PCSK6: variants seen among roughly 807,000 people sequenced by gnomAD.
PCSK6 encodes paired basic amino acid cleaving enzyme 4.
Under a neutral mutation model 123.3 loss-of-function variants are expected in PCSK6, and 85 were observed. The ratio of observed to expected loss-of-function variants is 0.69; its 90% CI spans 0.58 to 0.83. The LOEUF (loss-of-function observed/expected upper bound fraction) is 0.83, where lower values mean the gene tolerates loss of function less well. PCSK6 is among the 40% of genes least tolerant of loss of function. The pLI, the probability that PCSK6 is intolerant of heterozygous loss-of-function variation, is 0.00. For synonymous variants in PCSK6, 508 were observed against 516.0 expected (o/e 0.98, Z 0.21); for missense variants, 1,191 against 1,282.3 (o/e 0.93, Z 1.09).
intron 6 of PCSK6, among the ~76,000 whole-genome samples, chr15:101,406,931 T>C (rs1222046683): frequency 6.6e-6 from 1 of 152,170 alleles, no homozygotes; most frequent in Admixed American, 6.5e-5. Flanking sequence ...ATCCAGGAGA[T>C]GAGGTCTGTC....
intron 11 of PCSK6, among the ~76,000 whole-genome samples, chr15:101,379,518 T>C (rs1241952178): frequency 6.6e-6 from 1 of 152,144 alleles, no homozygotes; most frequent in Non-Finnish European, 1.5e-5. Context: ...GAGGGGTGTA[T>C]AAAGAGGCAT....
chr15:101,386,219 G>A (rs1362688341), intron 9 of PCSK6, among the ~76,000 whole-genome samples: 1 of 152,026 alleles, frequency 6.6e-6, no homozygotes, highest in Non-Finnish European at 1.5e-5. Flanking sequence ...AAAATCGGGG[G>A]AGCTGCTGCA....
At chr15:101,333,987 G>GC (rs986271696) in intron 13 of PCSK6, among the ~76,000 whole-genome samples, 2 of 152,204 alleles carry the variant, frequency 1.3e-5, no homozygotes, top group African/African-American at 4.8e-5. Flanking sequence ...ATTCTGTACT[G>GC]CCCAAGCCTC....
intron 13 of PCSK6, among the ~76,000 whole-genome samples, chr15:101,345,790 C>A (rs1286912914): frequency 6.6e-6 from 1 of 152,246 alleles, no homozygotes; most frequent in East Asian, 1.9e-4. Flanking sequence ...GCCTCAGCCT[C>A]CTGAGTAGCT....
At chr15:101,425,639 T>C (rs1194818349) in intron 6 of PCSK6, among the ~76,000 whole-genome samples, 2 of 152,198 alleles carry the variant, frequency 1.3e-5, no homozygotes, top group Non-Finnish European at 2.9e-5. Flanking sequence ...TATACATATA[T>C]ATATATATTG....
intron 19 of PCSK6, among the ~76,000 whole-genome samples, chr15:101,316,769 A>G (rs2039997804): frequency 6.6e-6 from 1 of 152,208 alleles, no homozygotes; most frequent in African/African-American, 2.4e-5. Flanking sequence ...CTTGTTCATC[A>G]GGCCTGTCTA....
intron 6 of PCSK6, among the ~76,000 whole-genome samples, chr15:101,399,549 G>A (rs1409221379): frequency 6.6e-6 from 1 of 152,208 alleles, no homozygotes; most frequent in Non-Finnish European, 1.5e-5. Flanking sequence ...CCAGCCAGGG[G>A]CGTCCCTTCT....
In PCSK6 at chr15:101,463,414, G is replaced by A. The variant is rs553393275; in HGVS notation, c.298-19754C>T. Among the ~76,000 whole-genome samples the A allele has an allele frequency of 2.0e-5, 3 of 152,128 alleles. No homozygotes were observed. The South Asian group carries it at 6.2e-4, about 32-fold the overall frequency. ...AACATTCCCTCCCCTCTTCCTTTGG[G>A]GCCAAGCGTTGCAACAATTCTGCTG... On this transcript the variant is annotated intron_variant, in intron 1 of 21. Coordinates refer to ENST00000611716, the MANE Select transcript of PCSK6 (RefSeq NM_002570.5).
At chr15:101,401,606 T>C (rs1306207692) in intron 6 of PCSK6, among the ~76,000 whole-genome samples, 1 of 151,894 alleles carries the variant, frequency 6.6e-6, no homozygotes, top group Non-Finnish European at 1.5e-5. Context: ...TGTGACCAGG[T>C]AGTGACTCTG....
chr15:101,391,910 G>A (rs2042244848), intron 8 of PCSK6, among the ~76,000 whole-genome samples: 1 of 152,148 alleles, frequency 6.6e-6, no homozygotes, highest in Admixed American at 6.5e-5. Context: ...ATTGCTCAGG[G>A]AAGAGAATTT....
chr15:101,453,140 C>T (rs1367399721), intron 1 of PCSK6, among the ~76,000 whole-genome samples: 1 of 152,204 alleles, frequency 6.6e-6, no homozygotes, highest in Non-Finnish European at 1.5e-5. Flanking sequence ...CGACAGACTG[C>T]TTCTCAGAGC....
rs949000365 is a variant in PCSK6 at position 101,332,141 on chromosome 15, T to G, written c.1859-110A>C. On this transcript the variant is annotated intron_variant, in intron 13 of 21. Transcript: ENST00000611716. ...CTCCCCTGATAGCTGGGCTCTGGCCTGCTACCTTCACTTCCTGGTTACCTG... is the reference window on the plus strand; with the variant it reads ...CTCCCCTGATAGCTGGGCTCTGGCCGGCTACCTTCACTTCCTGGTTACCTG... 52 of 968,614 alleles carry G rather than the reference T, an allele frequency of 5.4e-5. No homozygotes were observed. In the Admixed American group the frequency reaches 9.8e-4, roughly 18 times the overall value. The allele number at this position is 968,614 out of a possible 1,614,324, so 60.0% of individuals were successfully genotyped here. A position where few individuals can be genotyped will look rare whatever the true frequency, so the allele number is the denominator to read the frequency against.
In PCSK6 at chr15:101,304,564, C is replaced by G. The variant is rs372334727; in HGVS notation, c.*694G>C. 3 of 152,206 alleles carry G rather than the reference C, an allele frequency of 2.0e-5. No homozygotes were observed. Among genetic ancestry groups the G allele is most frequent in the East Asian group, 3.8e-4 (2 of 5,196 alleles). The allele number at this position is 152,206 out of a possible 1,614,324, so 9.4% of individuals were successfully genotyped here. ...GAGACTCCTGAAGACACAGACAGAA[C>G]ACGGTAACAAGGAGAGCTCGGCTTG... On this transcript the variant is annotated 3_prime_UTR_variant, in exon 22 of 22. Transcript: ENST00000611716.
intron 11 of PCSK6, among the ~76,000 whole-genome samples, chr15:101,376,555 T>C (rs1366057636): frequency 6.6e-6 from 1 of 152,166 alleles, no homozygotes; most frequent in Non-Finnish European, 1.5e-5. Flanking sequence ...ACCCTGTATC[T>C]CTCCTAGGAA....
chr15:101,459,461 A>ACCCTAAGTCCACACCACCTGCTGCCACCG (rs2057281764), intron 1 of PCSK6, among the ~76,000 whole-genome samples: 4 of 82,014 alleles, frequency 4.9e-5, no homozygotes, highest in East Asian at 7.1e-4. Context: ...TGCTGCCACC[A>ACCCTAAGTCCACACCACCTGCTGCCACCG]TTCCCGTCCC....
intron 1 of PCSK6, among the ~76,000 whole-genome samples, chr15:101,461,702 A>G (rs150740427): frequency 1.4e-3 from 211 of 152,358 alleles, no homozygotes; most frequent in Non-Finnish European, 1.5e-3. Context: ...TAGAAAGTCA[A>G]TAACTGTAAT....
chr15:101,398,771 C>T lies in PCSK6; in HGVS notation c.824-195G>A, dbSNP rs955709286. 6.6e-6 allele frequency among the ~76,000 whole-genome samples: 1 copy of T among 152,186 alleles called. No homozygotes were observed. The highest frequency in any genetic ancestry group is 2.4e-5 in the African/African-American group (1 of 41,430). On this transcript the variant is annotated intron_variant, in intron 6 of 21. Transcript: ENST00000611716. This position sits in a 1 kb window ranked among gnomAD's most constrained non-coding sequence, Gnocchi z 4.6. Reference sequence around the variant, plus strand: ...TGTGAAAGAACTCAGGCCAGGGCAACAAAAGAAAGCAAGCTACGTCCCAAA... The same window carrying T: ...TGTGAAAGAACTCAGGCCAGGGCAATAAAAGAAAGCAAGCTACGTCCCAAA...
chr15:101,358,291 T>C (rs746095450), intron 13 of PCSK6, among the ~76,000 whole-genome samples: 3 of 152,176 alleles, frequency 2.0e-5, no homozygotes, highest in Non-Finnish European at 4.4e-5. Context: ...CTGTATTTTC[T>C]ATGCTACTAA....
chr15:101,308,509 G>A (rs1196185109), intron 20 of PCSK6: 2 of 152,292 alleles, frequency 1.3e-5, no homozygotes, highest in Non-Finnish European at 2.9e-5. Flanking sequence ...CTTCAGCCTG[G>A]GTGGGAGGTG....
Sources: gnomAD v4.1 joint callset for allele counts (sites outside exome capture counted in the v4.1 genomes callset) on GRCh38, gnomAD v4.1.1 for gene constraint, Gnocchi (gnomAD v3.1) non-coding constraint, MANE v1.5 for transcripts, NCBI Gene and HGNC (gene_info 2026-07-23, HGNC 2026-07-21) for gene names.